KLF15: variants seen among roughly 807,000 people sequenced by gnomAD.
KLF15 encodes the protein KLF transcription factor 15.
Under a neutral mutation model 24.6 loss-of-function variants are expected in KLF15, and 4 were observed. The observed-to-expected ratio is 0.16, with a 90% CI of 0.08 to 0.37. KLF15 has a LOEUF of 0.37. KLF15 is among the 10% of genes least tolerant of loss of function. The pLI, the probability that KLF15 is intolerant of heterozygous loss-of-function variation, is 1.00. For missense variants in KLF15, 496 were observed against 560.6 expected (o/e 0.88, Z 1.16); for synonymous variants, 246 against 236.3 (o/e 1.04, Z -0.37).
the KLF15 span, among the ~76,000 whole-genome samples, chr3:126,295,788 T>C: frequency 6.6e-6 from 1 of 152,222 alleles, no homozygotes; most frequent in Non-Finnish European, 1.5e-5. Context: ...CTGTCCTTCA[T>C]GTCTGATCAG....
chr3:126,326,856 TTGAA>T, the KLF15 span, among the ~76,000 whole-genome samples: 4 of 152,222 alleles, frequency 2.6e-5, no homozygotes, highest in African/African-American at 7.2e-5. Flanking sequence ...TTAATATTGA[TTGAA>T]TAACTTATAG....
At chr3:126,321,852 G>A in the KLF15 span, among the ~76,000 whole-genome samples, 1 of 152,220 alleles carries the variant, frequency 6.6e-6, no homozygotes, top group East Asian at 1.9e-4. Flanking sequence ...GGCGGTCCTT[G>A]CACCTTGCCA....
At chr3:126,323,415 A>ATATATATATATAACATATATATGT in the KLF15 span, among the ~76,000 whole-genome samples, 5 of 36,838 alleles carry the variant, frequency 1.4e-4, no homozygotes, top group South Asian at 4.6e-3. Flanking sequence ...ATATATATAT[A>ATATATATATATAACATATATATGT]TATATATATA....
At chr3:126,314,936 C>A in the KLF15 span, among the ~76,000 whole-genome samples, 2 of 152,210 alleles carry the variant, frequency 1.3e-5, no homozygotes, top group East Asian at 3.9e-4. Flanking sequence ...TGCCAGAGCA[C>A]TACACACTAG....
chr3:126,356,325 A>G lies in KLF15; in HGVS notation c.-26+912T>C, dbSNP rs981064913. On this transcript the variant is annotated intron_variant, in intron 1 of 2. Coordinates refer to ENST00000296233, the MANE Select transcript of KLF15 (RefSeq NM_014079.4). This position sits in a 1 kb window ranked among gnomAD's most constrained non-coding sequence, Gnocchi z 4.4. ...GGGGGAAGGAGATTTGAGGCTCTCA[A>G]ACAATTGTTGATTTTGTCACCTCCG... is the stretch of plus-strand genomic sequence containing the variant. Among the ~76,000 whole-genome samples the G allele has an allele frequency of 2.7e-4, 40 of 150,028 alleles. No homozygotes were observed. Among genetic ancestry groups the G allele is most frequent in the Admixed American group, 2.3e-3 (35 of 15,170 alleles).
At chr3:126,355,276 C>A (rs1402121547) in intron 1 of KLF15, among the ~76,000 whole-genome samples, 1 of 152,240 alleles carries the variant, frequency 6.6e-6, no homozygotes, top group African/African-American at 2.4e-5. Flanking sequence ...CTAAAAAGTA[C>A]AGTAGGGGGG....
chr3:126,308,539 T>G, the KLF15 span, among the ~76,000 whole-genome samples: 1 of 152,142 alleles, frequency 6.6e-6, no homozygotes, highest in Non-Finnish European at 1.5e-5. Flanking sequence ...AATCCTCAAG[T>G]GCGACCCTGG....
downstream of KLF15, among the ~76,000 whole-genome samples, chr3:126,338,495 T>G (rs1261880475): frequency 6.6e-6 from 1 of 152,198 alleles, no homozygotes; most frequent in African/African-American, 2.4e-5. Flanking sequence ...ATCAATGTCT[T>G]TTCTTCATTT....
the KLF15 span, among the ~76,000 whole-genome samples, chr3:126,326,815 T>A: frequency 6.6e-6 from 1 of 152,220 alleles, no homozygotes; most frequent in Non-Finnish European, 1.5e-5. Flanking sequence ...AGTTTAATTT[T>A]AAATTATTTT....
the KLF15 span, among the ~76,000 whole-genome samples, chr3:126,322,755 G>A: frequency 3.9e-5 from 6 of 152,084 alleles, no homozygotes; most frequent in South Asian, 6.2e-4. Context: ...GCCTGCCCAC[G>A]CCATTTGCTT....
chr3:126,309,405 G>A, the KLF15 span, among the ~76,000 whole-genome samples: 1 of 152,236 alleles, frequency 6.6e-6, no homozygotes, highest in Admixed American at 6.5e-5. Context: ...GCTTCTCCCT[G>A]CTGCGGTGAG....
Position 126,351,943 on chromosome 3 carries a change from C to T in KLF15, c.980G>A (p.Gly327Asp). The change falls in exon 2 of 3, where the codon GGC becomes GAC. Residue 327 changes from glycine (G) to aspartate (D), a missense_variant. By Grantham distance (94) the Gly-to-Asp change is moderately conservative. This residue lies in a region of KLF15 where 59 missense variants were observed against 106.1 expected (regional missense o/e 0.56). Transcript: ENST00000296233. The part of the protein sequence containing the change: ...LIKMHKCTFP[G>D]CSKMYTKSSH... ...GCTTTTGGTGTACATCTTGCTGCAGCCAGGGAAAGTACATTTGTGCATTTT... is the reference window on the plus strand; with the variant it reads ...GCTTTTGGTGTACATCTTGCTGCAGTCAGGGAAAGTACATTTGTGCATTTT... 6.2e-7 allele frequency: 1 copy of T among 1,613,066 alleles called. No homozygotes were observed. The highest frequency in any genetic ancestry group is 8.5e-7 in the Non-Finnish European group (1 of 1,179,548).
chr3:126,312,898 A>T, the KLF15 span, among the ~76,000 whole-genome samples: 2 of 152,012 alleles, frequency 1.3e-5, no homozygotes, highest in Non-Finnish European at 2.9e-5. Context: ...CCTCCCGCTC[A>T]TGTTCACGTG....
At chr3:126,303,493 A>G in the KLF15 span, among the ~76,000 whole-genome samples, 2 of 152,098 alleles carry the variant, frequency 1.3e-5, no homozygotes, top group African/African-American at 4.8e-5. Context: ...TCTAACAAGA[A>G]ATATGCTGTT....
chr3:126,294,777 C>G, the KLF15 span, among the ~76,000 whole-genome samples: 2 of 151,920 alleles, frequency 1.3e-5, no homozygotes, highest in Admixed American at 6.6e-5. Flanking sequence ...TCTCTGCTCC[C>G]TTTGCCCTGC....
chr3:126,303,561 T>A, the KLF15 span, among the ~76,000 whole-genome samples: 2 of 152,060 alleles, frequency 1.3e-5, no homozygotes, highest in African/African-American at 4.8e-5. Flanking sequence ...CATTTTAAGG[T>A]TTTTTTGAAT....
At chr3:126,346,690 C>T (rs1164276728) in intron 2 of KLF15, among the ~76,000 whole-genome samples, 1 of 152,134 alleles carries the variant, frequency 6.6e-6, no homozygotes, top group Non-Finnish European at 1.5e-5. Context: ...CTGAGAGGAA[C>T]TTCCCTGGGA....
the KLF15 span, among the ~76,000 whole-genome samples, chr3:126,310,539 G>T: frequency 6.6e-6 from 1 of 152,150 alleles, no homozygotes; most frequent in African/African-American, 2.4e-5. Flanking sequence ...AGAGAAGGGG[G>T]GGTGGGTGTA....
At chr3:126,344,074 C>T (rs1576582391) in intron 2 of KLF15, among the ~76,000 whole-genome samples, 179 bp from the exon 3 acceptor site, 1 of 152,186 alleles carries the variant, frequency 6.6e-6, no homozygotes, top group Admixed American at 6.5e-5. Flanking sequence ...AAGGCTATAC[C>T]AGTTCTCAAA....
Sources: gnomAD v4.1 joint callset for allele counts (sites outside exome capture counted in the v4.1 genomes callset) on GRCh38, gnomAD v4.1.1 for gene constraint, gnomAD v4.1.1 regional missense constraint, Gnocchi (gnomAD v3.1) non-coding constraint, MANE v1.5 for transcripts, NCBI Gene and HGNC (gene_info 2026-07-23, HGNC 2026-07-21) for gene names.